Variants in RXFP2 observed in about 807,000 individuals in gnomAD.
RXFP2 encodes the protein relaxin receptor 2.
Under a neutral mutation model 88.6 loss-of-function variants are expected in RXFP2, and 68 were observed. That is an observed-to-expected ratio of 0.77 (90% CI 0.63 to 0.94). The LOEUF is 0.94. Among genes scored for constraint, RXFP2 ranks in the 40% least tolerant of loss-of-function variants. The pLI, the probability that RXFP2 is intolerant of heterozygous loss-of-function variation, is 0.00. For synonymous variants in RXFP2, 329 were observed against 306.8 expected (o/e 1.07, Z -0.76); for missense variants, 791 against 893.9 (o/e 0.88, Z 1.47).
intron 5 of RXFP2, among the ~76,000 whole-genome samples, chr13:31,771,378 T>C (rs750940350): frequency 1.3e-5 from 2 of 152,174 alleles, no homozygotes; most frequent in African/African-American, 2.4e-5. Context: ...ATTCTCACCG[T>C]AGTGTGAACA....
chr13:31,785,538 TTTGA>T (rs907836636), intron 11 of RXFP2, among the ~76,000 whole-genome samples: 2 of 151,598 alleles, frequency 1.3e-5, no homozygotes, highest in African/African-American at 4.9e-5. Flanking sequence ...ATAGCACCTG[TTTGA>T]TTGTTTCCTT....
At chr13:31,761,574 T>C in intron 2 of RXFP2, 150 bp from the exon 3 acceptor site, 1 of 602,028 alleles carries the variant, frequency 1.7e-6, no homozygotes, top group Non-Finnish European at 3.1e-6. Flanking sequence ...GATGTTTGCC[T>C]AACTTTTTCT....
At chr13:31,748,545 A>G (rs1871521207) in intron 1 of RXFP2, among the ~76,000 whole-genome samples, 1 of 152,124 alleles carries the variant, frequency 6.6e-6, no homozygotes, top group African/African-American at 2.4e-5. Flanking sequence ...TTCGGTACCT[A>G]TTCAAGTCTC....
chr13:31,781,648 T>C, intron 9 of RXFP2, 23 bp from the exon 10 acceptor site: 1 of 1,540,372 alleles, frequency 6.5e-7, no homozygotes, highest in Non-Finnish European at 9.0e-7. Context: ...ATATTAAAAA[T>C]ATCTTTCCTC....
At chr13:31,793,671 G>A (rs1405507000) in intron 16 of RXFP2, among the ~76,000 whole-genome samples, 1 of 151,894 alleles carries the variant, frequency 6.6e-6, no homozygotes, top group Non-Finnish European at 1.5e-5. Context: ...GACAAATTTA[G>A]CCCTTTAAAG....
intron 5 of RXFP2, among the ~76,000 whole-genome samples, chr13:31,769,031 T>C (rs1400992223): frequency 6.6e-6 from 1 of 152,174 alleles, no homozygotes; most frequent in East Asian, 1.9e-4. Context: ...GACCCACATA[T>C]TCATTCACTC....
intron 2 of RXFP2, among the ~76,000 whole-genome samples, chr13:31,760,450 C>T (rs9549008): frequency 0.072 from 10,989 of 152,200 alleles, 417 homozygotes; most frequent in Middle Eastern, 0.12. Flanking sequence ...TGAGTCTTAT[C>T]ACCAGAGCTT....
At chr13:31,749,809 T>C (rs1171367199) in intron 1 of RXFP2, among the ~76,000 whole-genome samples, 1 of 152,228 alleles carries the variant, frequency 6.6e-6, no homozygotes, top group Non-Finnish European at 1.5e-5. Flanking sequence ...TATTTATGAA[T>C]AATCACAGTT....
At chr13:31,788,291 C>T (rs1365242508) in intron 13 of RXFP2, among the ~76,000 whole-genome samples, 1 of 152,160 alleles carries the variant, frequency 6.6e-6, no homozygotes, top group Non-Finnish European at 1.5e-5. Context: ...AACTCAGAAC[C>T]ATGTTGAGAA....
intron 13 of RXFP2, among the ~76,000 whole-genome samples, chr13:31,787,139 G>A (rs1199281212): frequency 6.6e-6 from 1 of 152,162 alleles, no homozygotes; most frequent in African/African-American, 2.4e-5. Context: ...AAGTTTCAGT[G>A]GTATCAAGAA....
At chr13:31,743,317 A>C (rs187702175) in intron 1 of RXFP2, among the ~76,000 whole-genome samples, 14 of 152,100 alleles carry the variant, frequency 9.2e-5, no homozygotes, top group Admixed American at 8.5e-4. Context: ...AAAATACAAA[A>C]ATCAGGCAGG....
intron 2 of RXFP2, among the ~76,000 whole-genome samples, chr13:31,760,239 C>T (rs1335844749): frequency 2.0e-5 from 3 of 152,050 alleles, no homozygotes; most frequent in Non-Finnish European, 4.4e-5. Context: ...CAGGCGCCCT[C>T]CACCATGCCC....
chr13:31,763,165 C>T (rs1872382641), intron 3 of RXFP2, among the ~76,000 whole-genome samples: 1 of 151,084 alleles, frequency 6.6e-6, no homozygotes, highest in Non-Finnish European at 1.5e-5. Flanking sequence ...CTCACTGCAG[C>T]CTCAAACCTC....
chr13:31,782,880 G>A, intron 11 of RXFP2, 133 bp downstream of exon 11: 1 of 664,846 alleles, frequency 1.5e-6, no homozygotes, highest in South Asian at 1.6e-5. Flanking sequence ...AATCAATTAA[G>A]AAAACCAACA....
chr13:31,776,056 T>A (rs1334693486), intron 7 of RXFP2, among the ~76,000 whole-genome samples: 2 of 109,442 alleles, frequency 1.8e-5, no homozygotes, highest in Non-Finnish European at 4.0e-5. Flanking sequence ...TTTCCTTTCT[T>A]TCTTCTTCTT....
intron 11 of RXFP2, 102 bp from the exon 12 acceptor site, chr13:31,786,281 T>C: frequency 2.2e-6 from 2 of 904,840 alleles, no homozygotes; most frequent in South Asian, 2.7e-5. Context: ...ATTGGATTCA[T>C]ATTTTCTGTT....
intron 1 of RXFP2, among the ~76,000 whole-genome samples, chr13:31,747,562 T>C (rs918694444): frequency 2.6e-5 from 4 of 152,226 alleles, no homozygotes; most frequent in Non-Finnish European, 5.9e-5. Context: ...TAGGTCTTTG[T>C]GGCTCACTTA....
intron 17 of RXFP2, among the ~76,000 whole-genome samples, chr13:31,798,427 T>C (rs991891193): frequency 6.6e-6 from 1 of 152,182 alleles, no homozygotes; most frequent in Non-Finnish European, 1.5e-5. Context: ...TTGGAAGCCT[T>C]TGCTGGGTGG....
intron 16 of RXFP2, among the ~76,000 whole-genome samples, chr13:31,795,235 C>T (rs1274933979): frequency 1.3e-5 from 2 of 151,728 alleles, no homozygotes; most frequent in African/African-American, 4.8e-5. Flanking sequence ...CTGCAACCTC[C>T]GCCTCCCAGG....
Sources: allele counts gnomAD v4.1 joint callset (sites outside exome capture counted in the v4.1 genomes callset), GRCh38; gene constraint gnomAD v4.1.1; transcripts MANE v1.5; gene names NCBI Gene and HGNC (gene_info 2026-07-23, HGNC 2026-07-21).